ZBBX: variants seen among roughly 807,000 people sequenced by gnomAD.
ZBBX encodes zinc finger B-box domain containing.
Under a neutral mutation model 108.5 loss-of-function variants are expected in ZBBX, and 101 were observed. The ratio of observed to expected loss-of-function variants is 0.93; its 90% CI spans 0.79 to 1.10. The LOEUF is 1.10. Ranked by LOEUF, ZBBX falls within the 50% of genes least tolerant of loss-of-function variation. The pLI is 0.00. For missense variants in ZBBX, 1,009 were observed against 941.4 expected (o/e 1.07, Z -0.94); for synonymous variants, 356 against 323.4 (o/e 1.10, Z -1.08).
chr3:167,294,101 A>G (rs1268226534), intron 18 of ZBBX, among the ~76,000 whole-genome samples: 2 of 152,132 alleles, frequency 1.3e-5, no homozygotes, highest in Non-Finnish European at 2.9e-5. Flanking sequence ...AATCAATATC[A>G]TGAAAATTGT....
chr3:167,365,727 G>A (rs956601586), intron 6 of ZBBX, among the ~76,000 whole-genome samples, 159 bp downstream of exon 6: 9 of 151,622 alleles, frequency 5.9e-5, no homozygotes, highest in Admixed American at 5.9e-4. Context: ...AATAATGAAA[G>A]TTGCATATTA....
At chr3:167,377,002 C>T (rs1254734039) in intron 2 of ZBBX, among the ~76,000 whole-genome samples, 1 of 152,194 alleles carries the variant, frequency 6.6e-6, no homozygotes, top group Non-Finnish European at 1.5e-5. Context: ...AAAACTTATA[C>T]TTCCTTGTGT....
the ZBBX span, among the ~76,000 whole-genome samples, chr3:167,195,662 C>A: frequency 6.6e-6 from 1 of 152,094 alleles, no homozygotes; most frequent in African/African-American, 2.4e-5. Flanking sequence ...TCTTTGAGAA[C>A]AAACATATTT....
chr3:167,282,525 C>A, intron 19 of ZBBX, 30 bp from the exon 20 acceptor site: 2 of 1,571,094 alleles, frequency 1.3e-6, no homozygotes, highest in African/African-American at 1.4e-5. Context: ...GTTTTTAAAT[C>A]AACTTTTAAA....
chr3:167,293,156 T>C (rs1037749343), intron 18 of ZBBX, among the ~76,000 whole-genome samples: 6 of 152,134 alleles, frequency 3.9e-5, no homozygotes, highest in South Asian at 2.1e-4. Context: ...TCTGAAACTA[T>C]TCCAAACAAT....
chr3:167,365,650 G>A (rs1029088090), intron 6 of ZBBX, among the ~76,000 whole-genome samples: 1 of 151,756 alleles, frequency 6.6e-6, no homozygotes, highest in African/African-American at 2.4e-5. Flanking sequence ...AGTTTGGGAT[G>A]TGGGAAAATT....
chr3:167,332,519 G>A (rs914545260), intron 10 of ZBBX, among the ~76,000 whole-genome samples: 22 of 152,060 alleles, frequency 1.4e-4, no homozygotes, highest in African/African-American at 5.3e-4. Context: ...ACACAGAGGA[G>A]CCTACTCTAT....
chr3:167,187,710 T>A, the ZBBX span, among the ~76,000 whole-genome samples: 1 of 152,280 alleles, frequency 6.6e-6, no homozygotes, highest in African/African-American at 2.4e-5. Context: ...AACAAATATG[T>A]CTGAAGCAGA....
At chr3:167,360,845 G>A (rs1744388268) in intron 6 of ZBBX, 122 bp from the exon 7 acceptor site, 1 of 426,532 alleles carries the variant, frequency 2.3e-6, no homozygotes, top group South Asian at 7.6e-5. Context: ...TATTTTTAAA[G>A]AATAATATAA....
chr3:167,309,049 C>T (rs953021173), intron 16 of ZBBX, among the ~76,000 whole-genome samples: 6 of 152,206 alleles, frequency 3.9e-5, no homozygotes, highest in East Asian at 3.9e-4. Context: ...ACCTGATGAC[C>T]CAGAAGTTGC....
rs140865862 is a variant in ZBBX, at chr3:167,307,218, G to A, written c.1418-1268C>T. 6.2e-3 allele frequency among the ~76,000 whole-genome samples: 947 copies of A among 152,146 alleles called. 7 individuals are homozygous for A. Among genetic ancestry groups the A allele is most frequent in the African/African-American group, 0.02 (843 of 41,536 alleles). On this transcript the variant is annotated intron_variant, in intron 16 of 21. Transcript: ENST00000675490. ...TTCCCCTTGAAAACTGGCACAAGAC[G>A]AGGATGCCCTCTCTCACCACTCCTA...
intron 20 of ZBBX, among the ~76,000 whole-genome samples, chr3:167,278,315 G>T (rs1289767367): frequency 6.6e-6 from 1 of 150,716 alleles, no homozygotes; most frequent in Non-Finnish European, 1.5e-5. Flanking sequence ...CCAGGAGCTG[G>T]TTTTTTGGAA....
intron 9 of ZBBX, among the ~76,000 whole-genome samples, chr3:167,348,369 A>AAAGAAAAAGAAAGAAAG (rs759038070): frequency 4.3e-5 from 6 of 140,658 alleles, no homozygotes; most frequent in African/African-American, 1.4e-4. Flanking sequence ...AGAAAGAAAG[A>AAAGAAAAAGAAAGAAAG]AAAAAAAGAA....
chr3:167,216,981 T>C, the ZBBX span, among the ~76,000 whole-genome samples: 1 of 152,150 alleles, frequency 6.6e-6, no homozygotes, highest in African/African-American at 2.4e-5. Context: ...TCAAAATGTA[T>C]TAAAGACTTA....
chr3:167,402,124 C>T (rs569551085), intron 1 of ZBBX, among the ~76,000 whole-genome samples: 2 of 152,240 alleles, frequency 1.3e-5, no homozygotes, highest in African/African-American at 4.8e-5. Context: ...CTACCAAGCA[C>T]AGTAATAGTT....
At chr3:167,287,938 T>C (rs1351185483) in intron 19 of ZBBX, among the ~76,000 whole-genome samples, 1 of 152,140 alleles carries the variant, frequency 6.6e-6, no homozygotes, top group Non-Finnish European at 1.5e-5. Flanking sequence ...GAGACATATA[T>C]ATCTTATATA....
the ZBBX span, among the ~76,000 whole-genome samples, chr3:167,193,458 G>T: frequency 6.6e-6 from 1 of 152,112 alleles, no homozygotes; most frequent in African/African-American, 2.4e-5. Flanking sequence ...TCCCCTCTTT[G>T]TCTCTGGCTA....
rs760842854 is a variant in ZBBX, at chr3:167,350,556, A to C, written c.433-41T>G. 24 of 1,389,572 alleles carry C rather than the reference A, an allele frequency of 1.7e-5. No individual in the cohort carries two copies. The South Asian group carries it at 3.4e-4, about 20-fold the overall frequency. 86.1% of individuals were successfully genotyped at this position (1,389,572 alleles called of 1,614,324 possible). ...TTAAAAAATTATACAATCTTATAAA[A>C]TAGTATGATTTTTAGAAAGTGTTTG... On this transcript the variant is annotated intron_variant, in intron 8 of 21. Transcript: ENST00000675490.
chr3:167,313,626 A>G (rs1260739008), intron 16 of ZBBX, among the ~76,000 whole-genome samples: 1 of 152,058 alleles, frequency 6.6e-6, no homozygotes, highest in Non-Finnish European at 1.5e-5. Context: ...GAAACTTTAT[A>G]TCAGATTTGA....
Sources: allele counts gnomAD v4.1 joint callset (sites outside exome capture counted in the v4.1 genomes callset), GRCh38; gene constraint gnomAD v4.1.1; transcripts MANE v1.5; gene names NCBI Gene and HGNC (gene_info 2026-07-23, HGNC 2026-07-21).